Variants in CDIN1 observed in about 807,000 individuals in gnomAD.
CDIN1 encodes CDAN1 interacting nuclease 1, also known as CDAN1-interacting nuclease 1.
Under a neutral mutation model 45.3 loss-of-function variants are expected in CDIN1, and 33 were observed. The observed-to-expected ratio is 0.73, with a 90% CI of 0.55 to 0.97. CDIN1 has a LOEUF of 0.97. Among genes scored for constraint, CDIN1 ranks in the 50% least tolerant of loss-of-function variants. The pLI is 0.00. For missense variants in CDIN1, 303 were observed against 339.4 expected (o/e 0.89, Z 0.84); for synonymous variants, 118 against 124.4 (o/e 0.95, Z 0.34).
intron 10 of CDIN1, among the ~76,000 whole-genome samples, chr15:36,792,739 G>A (rs8040669): frequency 0.86 from 130,673 of 152,080 alleles, 59,688 homozygotes; most frequent in Non-Finnish European, 1. Context: ...CAGAAACATG[G>A]CCCAGAGTAT....
At chr15:36,703,360 G>GATAT (rs1161705216) in intron 8 of CDIN1, among the ~76,000 whole-genome samples, 54 of 48,512 alleles carry the variant, frequency 1.1e-3, no homozygotes, top group African/African-American at 6.3e-3. Context: ...ACATATATCA[G>GATAT]ATAGATCTAT....
At chr15:36,710,255 A>T (rs987085076) in intron 10 of CDIN1, among the ~76,000 whole-genome samples, 8 of 152,184 alleles carry the variant, frequency 5.3e-5, no homozygotes, top group African/African-American at 1.9e-4. Context: ...GATGTGGTGT[A>T]TATTACAGTA....
chr15:36,679,826 C>T (rs551305001), intron 5 of CDIN1, among the ~76,000 whole-genome samples: 9 of 152,242 alleles, frequency 5.9e-5, no homozygotes, highest in Non-Finnish European at 8.8e-5. Flanking sequence ...GGGCCCCTCA[C>T]CCACATGGCA....
intron 10 of CDIN1, among the ~76,000 whole-genome samples, chr15:36,798,384 G>C (rs1032615757): frequency 6.6e-6 from 1 of 151,898 alleles, no homozygotes; most frequent in African/African-American, 2.4e-5. Flanking sequence ...TGCAAAATTG[G>C]GATGTTTTGC....
At chr15:36,640,245 CA>C (rs1263595642) in intron 1 of CDIN1, among the ~76,000 whole-genome samples, 2 of 151,912 alleles carry the variant, frequency 1.3e-5, no homozygotes, top group Admixed American at 1.3e-4. Context: ...GTGTGTGTGG[CA>C]GGGGGCGTTG....
chr15:36,617,084 A>G (rs746169598), intron 1 of CDIN1: 1 of 791,960 alleles, frequency 1.3e-6, no homozygotes, highest in South Asian at 1.3e-5. Context: ...CGAGCAGAGG[A>G]CGACATGTTG....
At chr15:36,670,920 ATAAG>A (rs879265857) in intron 5 of CDIN1, among the ~76,000 whole-genome samples, 2 of 152,118 alleles carry the variant, frequency 1.3e-5, no homozygotes, top group Non-Finnish European at 2.9e-5. Context: ...AAAACACTAA[ATAAG>A]AGAGAAAAGA....
intron 5 of CDIN1, among the ~76,000 whole-genome samples, chr15:36,676,402 G>A (rs2041651582): frequency 6.6e-6 from 1 of 152,150 alleles, no homozygotes; most frequent in African/African-American, 2.4e-5. Flanking sequence ...ACACCATGAT[G>A]TTGTATGGGC....
intron 4 of CDIN1, among the ~76,000 whole-genome samples, chr15:36,656,293 T>C (rs890802308): frequency 5.9e-5 from 9 of 152,172 alleles, no homozygotes; most frequent in Non-Finnish European, 1.0e-4. Flanking sequence ...GAGAAATATA[T>C]AGCATTGGTA....
intron 10 of CDIN1, among the ~76,000 whole-genome samples, chr15:36,710,809 G>A (rs964227971): frequency 6.6e-6 from 1 of 152,148 alleles, no homozygotes; most frequent in African/African-American, 2.4e-5. Flanking sequence ...GCATCTGTGG[G>A]TAATAGCCTT....
At chr15:36,703,438 AGG>A (rs2042748814) in intron 8 of CDIN1, among the ~76,000 whole-genome samples, 1 of 68,984 alleles carries the variant, frequency 1.4e-5, no homozygotes, top group African/African-American at 7.0e-5. Flanking sequence ...TATATCAGAA[AGG>A]GATCTGATCA....
At chr15:36,751,037 AATG>A (rs2053445357) in intron 10 of CDIN1, among the ~76,000 whole-genome samples, 2 of 151,876 alleles carry the variant, frequency 1.3e-5, no homozygotes, top group Non-Finnish European at 2.9e-5. Flanking sequence ...CATTAAAATA[AATG>A]AACAACCTTC....
rs930486962 is a variant in CDIN1 at position 36,749,084 on chromosome 15, C to T, written c.716+39123C>T. ...GGAAGTCATAAACACTCACTCGTAT[C>T]GCTTTAAGTTTTAATAATTACTGTT... On this transcript the variant is annotated intron_variant, in intron 10 of 10. Transcript: ENST00000566621. 2.6e-5 allele frequency among the ~76,000 whole-genome samples: 4 copies of T among 152,070 alleles called. No homozygotes were observed. The South Asian group carries it at 6.2e-4, about 24-fold the overall frequency.
At chr15:36,762,561 G>A (rs1457867513) in intron 10 of CDIN1, among the ~76,000 whole-genome samples, 4 of 152,044 alleles carry the variant, frequency 2.6e-5, no homozygotes, top group Non-Finnish European at 4.4e-5. Context: ...AGTTACATAC[G>A]TATACATGTG....
At chr15:36,640,898 G>A (rs542328790) in intron 1 of CDIN1, among the ~76,000 whole-genome samples, 4 of 152,154 alleles carry the variant, frequency 2.6e-5, no homozygotes, top group South Asian at 2.1e-4. Flanking sequence ...TTTGAAAAAC[G>A]TTGAATGCAA....
Position 36,779,281 on chromosome 15 carries a change from C to T in CDIN1, c.717-29043C>T, listed in dbSNP as rs531317141. Among the ~76,000 whole-genome samples, 78 of 152,320 alleles carry T rather than the reference C, an allele frequency of 5.1e-4. 1 individual carries two copies. The South Asian group carries it at 0.016, about 32-fold the overall frequency. On this transcript the variant is annotated intron_variant, in intron 10 of 10. Transcript: ENST00000566621. ...TCCAGCCTTACTCCTCCTTCACAGA[C>T]CCTCTGCTCTAGCTCGCACAGTTTT...
chr15:36,733,042 T>G (rs2043888492), intron 10 of CDIN1, among the ~76,000 whole-genome samples: 1 of 152,070 alleles, frequency 6.6e-6, no homozygotes, highest in African/African-American at 2.4e-5. Context: ...TGAAAAGTGT[T>G]TAATTCCTAA....
chr15:36,762,762 G>T (rs1262190038), intron 10 of CDIN1, among the ~76,000 whole-genome samples: 1 of 152,140 alleles, frequency 6.6e-6, no homozygotes, highest in East Asian at 1.9e-4. Context: ...TTGTCCCTGC[G>T]ATATTTTGCT....
rs188947423 is a variant in CDIN1 at position 36,670,789 on chromosome 15, A to G, written c.346+12884A>G. Among the ~76,000 whole-genome samples the G allele has an allele frequency of 8.7e-4, 133 of 152,248 alleles. 1 individual carries two copies. The highest frequency in any genetic ancestry group is 3.0e-3 in the African/African-American group (126 of 41,562). On this transcript the variant is annotated intron_variant, in intron 5 of 10. Transcript: ENST00000566621. Reference sequence around the variant, plus strand: ...CTGTTCCTGTTTTCAGACTGTGAACATTGGTAAAGAATGAGATAGAGAAAA... The same window carrying G: ...CTGTTCCTGTTTTCAGACTGTGAACGTTGGTAAAGAATGAGATAGAGAAAA...
Sources: gnomAD v4.1 joint callset for allele counts (sites outside exome capture counted in the v4.1 genomes callset) on GRCh38, gnomAD v4.1.1 for gene constraint, MANE v1.5 for transcripts, NCBI Gene and HGNC (gene_info 2026-07-23, HGNC 2026-07-21) for gene names.